The following HIVEP3 variants were observed in gnomAD, a reference collection of about 807,000 sequenced individuals.
The protein encoded by HIVEP3 is HIVEP zinc finger 3, also known as transcription factor HIVEP3.
In HIVEP3, 49 loss-of-function variants were observed where a neutral mutation model predicts 152.8. The observed-to-expected ratio is 0.32, with a 90% confidence interval of 0.26 to 0.41. The LOEUF (loss-of-function observed/expected upper bound fraction) is 0.41. Ranked by LOEUF, HIVEP3 falls within the 10% of genes least tolerant of loss-of-function variation. The pLI is 1.00. For missense variants in HIVEP3, 2,790 were observed against 3,103.3 expected, an observed-to-expected ratio of 0.90 and a Z score of 2.40; for synonymous variants, 1,269 against 1,289.0, an observed-to-expected ratio of 0.98 and a Z score of 0.33.
At chr1:41,514,072 G>A (rs1400172033) in intron 7 of HIVEP3, among the ~76,000 whole-genome samples, 1 of 152,226 alleles carries the variant, frequency 6.6e-6, no homozygotes, top group Non-Finnish European at 1.5e-5. Flanking sequence ...AGGAAACTGA[G>A]GTAAGAGAAA....
chr1:41,912,843 A>T (rs1166651220), intron 1 of HIVEP3, among the ~76,000 whole-genome samples: 1 of 152,230 alleles, frequency 6.6e-6, no homozygotes, highest in African/African-American at 2.4e-5. Flanking sequence ...ACTGAGGGCC[A>T]GGGAATTGGG....
At chr1:41,731,626 T>A (rs1017721107) in intron 1 of HIVEP3, among the ~76,000 whole-genome samples, 9 of 152,210 alleles carry the variant, frequency 5.9e-5, no homozygotes, top group African/African-American at 2.2e-4. Flanking sequence ...ATCTGCCATG[T>A]CAAACAGCCT....
chr1:41,702,623 T>C (rs1312519858), intron 1 of HIVEP3, among the ~76,000 whole-genome samples: 2 of 152,266 alleles, frequency 1.3e-5, no homozygotes, highest in African/African-American at 4.8e-5. Context: ...ATTCATGTTA[T>C]TGTTATTATT....
chr1:41,579,645 C>T, intron 4 of HIVEP3, 92 bp downstream of exon 4: 1 of 1,435,138 alleles, frequency 7.0e-7, no homozygotes, highest in Non-Finnish European at 9.4e-7. Flanking sequence ...GGCTCTAGTT[C>T]TGCAACTGGA....
chr1:41,683,089 C>T (rs1646064936), intron 2 of HIVEP3, among the ~76,000 whole-genome samples: 1 of 152,160 alleles, frequency 6.6e-6, no homozygotes, highest in Admixed American at 6.5e-5. Flanking sequence ...GACAGAGAAA[C>T]ATGAAACAAC....
intron 2 of HIVEP3, among the ~76,000 whole-genome samples, chr1:41,642,228 T>C (rs751379872): frequency 1.2e-4 from 19 of 152,182 alleles, no homozygotes; most frequent in Non-Finnish European, 2.5e-4. Context: ...ACCAAGTCAC[T>C]CCTCGCCCCA....
chr1:42,029,584 C>T lies in HIVEP3; in HGVS notation n.119+6223G>A, dbSNP rs1315851516. ...GTTCATAATAAGCTAATGCCATCTA[C>T]ACCTCTTTGTGGAATAAGTAGAGGG... On this transcript the variant is annotated intron_variant and non_coding_transcript_variant, in intron 1 of 3. Coordinates refer to the HIVEP3 transcript ENST00000489103. Among the ~76,000 whole-genome samples the T allele has an allele frequency of 2.0e-5, 3 of 152,202 alleles. No homozygotes were observed. In the South Asian group the frequency reaches 6.2e-4, roughly 32 times the overall value.
chr1:41,801,479 C>T (rs11577875), intron 1 of HIVEP3, among the ~76,000 whole-genome samples: 43,753 of 151,900 alleles, frequency 0.29, 7,368 homozygotes, highest in Middle Eastern at 0.44. Flanking sequence ...GTAGTTCCAG[C>T]CTTGGTAATT....
At chr1:41,937,451 G>T (rs555892917) in intron 1 of HIVEP3, among the ~76,000 whole-genome samples, 21 of 152,240 alleles carry the variant, frequency 1.4e-4, no homozygotes, top group African/African-American at 5.1e-4. Flanking sequence ...TGAGAGGATC[G>T]AAGGCCTTGA....
Position 41,511,145 on chromosome 1 carries a change from A to T in HIVEP3, c.6527T>A (p.Ile2176Asn), listed in dbSNP as rs1461132497. 1 of 1,614,082 alleles carries T rather than the reference A, an allele frequency of 6.2e-7. No homozygotes were observed. The highest frequency in any genetic ancestry group is 1.1e-5 in the South Asian group (1 of 91,078). The change falls in exon 9 of 9, where the codon ATC becomes AAC. Residue 2176 changes from isoleucine to asparagine, a missense_variant. By Grantham distance (149) the Ile-to-Asn change is moderately radical (BLOSUM62 -3). Coordinates refer to ENST00000372583, the MANE Select transcript of HIVEP3 (RefSeq NM_024503.5). This position sits in a 1 kb window ranked among gnomAD's most constrained non-coding sequence, Gnocchi z 4.9. ...GGAGTGCAGAGGCAGGTGGCTGAAG[A>T]TGTTCTCCTCTGTCCGGGCCAGGAT... ...GHILARTEEN[I>N]FSHLPLHSQH...
chr1:41,853,878 T>G (rs1035504763), intron 1 of HIVEP3, among the ~76,000 whole-genome samples: 1 of 152,116 alleles, frequency 6.6e-6, no homozygotes, highest in East Asian at 1.9e-4. Context: ...AGGCTGCTGA[T>G]GCCAGCTAGA....
At chr1:41,574,645 G>C (rs1159310895) in intron 5 of HIVEP3, among the ~76,000 whole-genome samples, 1 of 152,220 alleles carries the variant, frequency 6.6e-6, no homozygotes, top group Non-Finnish European at 1.5e-5. Flanking sequence ...GGCCCCCAGT[G>C]ACAGCCATGT....
At chr1:41,761,647 G>A (rs1170975563) in intron 1 of HIVEP3, among the ~76,000 whole-genome samples, 1 of 152,178 alleles carries the variant, frequency 6.6e-6, no homozygotes, top group Non-Finnish European at 1.5e-5. Flanking sequence ...GTATGCACAT[G>A]AATGTGCATG....
chr1:41,833,940 G>A (rs771473477), intron 1 of HIVEP3, among the ~76,000 whole-genome samples: 6 of 152,164 alleles, frequency 3.9e-5, no homozygotes, highest in Non-Finnish European at 7.4e-5. Context: ...GGGTAGTATT[G>A]TGACCCAGAC....
intron 1 of HIVEP3, among the ~76,000 whole-genome samples, chr1:41,875,814 G>C (rs141638564): frequency 2.0e-5 from 3 of 152,150 alleles, no homozygotes; most frequent in Non-Finnish European, 1.5e-5. Flanking sequence ...TTCTCTCCAC[G>C]AATTTTTATT....
intron 3 of HIVEP3, among the ~76,000 whole-genome samples, chr1:41,594,246 G>A (rs1246664775): frequency 6.6e-6 from 1 of 152,066 alleles, no homozygotes; most frequent in Non-Finnish European, 1.5e-5. Flanking sequence ...TTTTTGAAAT[G>A]GAGTCTCGCT....
intron 1 of HIVEP3, among the ~76,000 whole-genome samples, chr1:41,750,013 G>T (rs1337345135): frequency 6.6e-6 from 1 of 152,194 alleles, no homozygotes; most frequent in East Asian, 1.9e-4. Context: ...TCTGAGCCCT[G>T]AGCAGCACCA....
At chr1:42,028,126 C>T (rs1645592789) in intron 1 of HIVEP3, among the ~76,000 whole-genome samples, 1 of 152,212 alleles carries the variant, frequency 6.6e-6, no homozygotes, top group Non-Finnish European at 1.5e-5. Flanking sequence ...ACTCCTGTCT[C>T]CTGACCAAGT....
At chr1:42,001,224 A>C (rs1645426154) in intron 1 of HIVEP3, among the ~76,000 whole-genome samples, 1 of 152,250 alleles carries the variant, frequency 6.6e-6, no homozygotes, top group African/African-American at 2.4e-5. Flanking sequence ...CAACAGAATA[A>C]ATAAGCAGAT....
Sources: gnomAD v4.1 joint callset for allele counts (sites outside exome capture counted in the v4.1 genomes callset) on GRCh38, gnomAD v4.1.1 for gene constraint, Gnocchi (gnomAD v3.1) non-coding constraint, MANE v1.5 for transcripts, NCBI Gene and HGNC (gene_info 2026-07-23, HGNC 2026-07-21) for gene names.